Variants in ARFGEF3 observed in about 807,000 individuals in gnomAD.
The protein encoded by ARFGEF3 is brefeldin A-inhibited guanine nucleotide-exchange protein 3.
In ARFGEF3, 96 loss-of-function variants were observed where a neutral mutation model predicts 221.7. That is an observed-to-expected ratio of 0.43 (90% confidence interval 0.37 to 0.51). The LOEUF (loss-of-function observed/expected upper bound fraction) is 0.51. ARFGEF3 is among the 20% of genes least tolerant of loss of function. ARFGEF3 has a pLI of 0.00. For synonymous variants in ARFGEF3, 1,145 were observed against 1,126.8 expected (o/e 1.02, Z -0.32); for missense variants, 2,410 against 2,789.9 (o/e 0.86, Z 3.07).
Position 138,338,410 on chromosome 6 carries a change from G to A in ARFGEF3, c.*1924G>A, listed in dbSNP as rs1472756498. On this transcript the variant is annotated 3_prime_UTR_variant, in exon 34 of 34. Coordinates refer to ENST00000251691, the MANE Select transcript of ARFGEF3 (RefSeq NM_020340.5). ...GTGAGTACTCCACAGTTTACTGGGG[G>A]AAAAGGCTTCAGTAAAGCAGAGGCT... is the stretch of plus-strand genomic sequence containing the variant. 1 of 152,128 alleles carries A rather than the reference G, an allele frequency of 6.6e-6. No individual in the cohort carries two copies. Among genetic ancestry groups the A allele is most frequent in the Admixed American group, 6.6e-5 (1 of 15,266 alleles). 9.4% of individuals were successfully genotyped at this position (152,128 alleles called of 1,614,324 possible). A position where few individuals can be genotyped will look rare whatever the true frequency, so the allele number is the denominator to read the frequency against.
intron 22 of ARFGEF3, among the ~76,000 whole-genome samples, chr6:138,306,799 G>A (rs1183766933): frequency 2.0e-5 from 3 of 151,900 alleles, no homozygotes; most frequent in East Asian, 1.9e-4. Flanking sequence ...GGGTCATGAT[G>A]TGATCCATTA....
At chr6:138,196,929 G>A (rs903873196) in intron 2 of ARFGEF3, among the ~76,000 whole-genome samples, 2 of 152,074 alleles carry the variant, frequency 1.3e-5, no homozygotes, top group African/African-American at 4.8e-5. Context: ...CGCCTCCCGG[G>A]TTCAAACGAT....
At chr6:138,333,217 C>A (rs1213352327) in intron 32 of ARFGEF3, among the ~76,000 whole-genome samples, 4 of 152,170 alleles carry the variant, frequency 2.6e-5, no homozygotes, top group African/African-American at 9.7e-5. Flanking sequence ...CTAACCCCAA[C>A]TTTTTGAGTG....
chr6:138,293,845 A>G (rs1426401111), intron 19 of ARFGEF3, 148 bp from the exon 20 acceptor site: 1 of 713,782 alleles, frequency 1.4e-6, no homozygotes, highest in African/African-American at 1.8e-5. Context: ...GTACACAGTT[A>G]GAATAGATAG....
intron 31 of ARFGEF3, among the ~76,000 whole-genome samples, chr6:138,325,271 A>T (rs1217530607): frequency 6.6e-6 from 1 of 152,200 alleles, no homozygotes; most frequent in Non-Finnish European, 1.5e-5. Flanking sequence ...TAGCACACTG[A>T]TAATCTAGGA....
chr6:138,192,854 C>T (rs1777334782), intron 2 of ARFGEF3, among the ~76,000 whole-genome samples: 1 of 152,186 alleles, frequency 6.6e-6, no homozygotes. Context: ...AAATGCTTAG[C>T]ACACAGGTTG....
intron 22 of ARFGEF3, among the ~76,000 whole-genome samples, chr6:138,299,520 G>A (rs1018372564): frequency 7.9e-5 from 12 of 152,248 alleles, no homozygotes; most frequent in Middle Eastern, 3.4e-3. Context: ...TCTCTCTGAA[G>A]TCCACCAAAA....
rs796786018 is a variant in ARFGEF3 at position 138,335,145 on chromosome 6, G to C, written c.6299G>C (p.Ser2100Thr). Residue 2100 changes from serine (S) to threonine (T), a missense_variant, in exon 33 of 34, where the codon AGC becomes ACC. By Grantham distance (58) the Ser-to-Thr change is moderately conservative. Around this residue, in one of 5 missense-constraint regions of ARFGEF3, gnomAD observed 339 missense variants for 334.9 expected, o/e 1.01. Transcript: ENST00000251691. ...AGGCCCCGCTCAGGCTCCACCGGGA[G>C]CTCCCTCAGTGTCTCGGTGAGAGAC... ...DKRPRSGSTG[S>T]SLSVSVRDAE... is the part of the protein sequence containing the mutation. 1.3e-6 allele frequency: 2 copies of C among 1,588,242 alleles called. No homozygotes were observed. Among genetic ancestry groups the C allele is most frequent in the African/African-American group, 2.7e-5 (2 of 74,072 alleles).
At chr6:138,249,327 T>C (rs972050559) in intron 8 of ARFGEF3, among the ~76,000 whole-genome samples, 2 of 152,338 alleles carry the variant, frequency 1.3e-5, no homozygotes, top group South Asian at 2.1e-4. Flanking sequence ...GTTTTTGTTT[T>C]GTTATTATTA....
Position 138,255,694 on chromosome 6 carries a change from C to G in ARFGEF3, c.1029C>G (p.Leu343=). The change falls in exon 10 of 34, where the codon CTC becomes CTG. Residue 343 remains leucine (L), a synonymous_variant. Coordinates refer to ENST00000251691, the MANE Select transcript of ARFGEF3 (RefSeq NM_020340.5). ...CTGTGGACTCCATGAAGCCCGTGCT[C>G]CAGTCCCTCTACCACCGAGTGCTGC... ...VGSVDSMKPV[L]QSLYHRVLLY... 6.2e-7 allele frequency: 1 copy of G among 1,612,862 alleles called. No individual in the cohort carries two copies. Among genetic ancestry groups the G allele is most frequent in the Non-Finnish European group, 8.5e-7 (1 of 1,179,382 alleles).
At chr6:138,235,952 C>A (rs1199231522) in intron 5 of ARFGEF3, among the ~76,000 whole-genome samples, 2 of 152,114 alleles carry the variant, frequency 1.3e-5, no homozygotes, top group Non-Finnish European at 2.9e-5. Context: ...TGCAATAAGT[C>A]ATATCCAGTA....
At chr6:138,204,512 C>T (rs1777595324) in intron 2 of ARFGEF3, among the ~76,000 whole-genome samples, 1 of 152,064 alleles carries the variant, frequency 6.6e-6, no homozygotes, top group Non-Finnish European at 1.5e-5. Flanking sequence ...TAGTCACATT[C>T]ATTGATTTAC....
At chr6:138,202,901 C>T (rs192216904) in intron 2 of ARFGEF3, among the ~76,000 whole-genome samples, 2,094 of 152,050 alleles carry the variant, frequency 0.014, 33 homozygotes, top group Middle Eastern at 0.058. Flanking sequence ...CATGCACACA[C>T]ACCCACACAC....
chr6:138,315,230 A>G (rs9484140), intron 26 of ARFGEF3, among the ~76,000 whole-genome samples: 20,917 of 152,190 alleles, frequency 0.14, 1,968 homozygotes, highest in Admixed American at 0.24. Flanking sequence ...GCTCATCAAA[A>G]CAATGATTTT....
chr6:138,186,363 T>C (rs1777182162), intron 2 of ARFGEF3, among the ~76,000 whole-genome samples: 1 of 152,210 alleles, frequency 6.6e-6, no homozygotes, highest in Admixed American at 6.5e-5. Context: ...TCAGCACTGA[T>C]ATCTCCAGGA....
intron 2 of ARFGEF3, 95 bp downstream of exon 2, chr6:138,170,808 T>C: frequency 5.3e-6 from 4 of 756,662 alleles, no homozygotes; most frequent in Non-Finnish European, 4.7e-6. Flanking sequence ...TTAGTTTGTT[T>C]TGTGCTGCTA....
rs201880216 is a variant in ARFGEF3 at position 138,286,747 on chromosome 6, G to C, written c.2616G>C (p.Leu872Phe). 6.2e-7 allele frequency: 1 copy of C among 1,614,034 alleles called. No homozygotes were observed. Among genetic ancestry groups the C allele is most frequent in the Non-Finnish European group, 8.5e-7 (1 of 1,179,904 alleles). The change falls in exon 16 of 34, where the codon TTG becomes TTC. Residue 872 changes from leucine (L) to phenylalanine (F), a missense_variant. Leu to Phe is a conservative substitution (Grantham distance 22). Transcript: ENST00000251691. ...RYILVGCWKNLIDTLSTPLTG... is the reference protein window; with the variant it reads ...RYILVGCWKNFIDTLSTPLTG... Reference sequence around the variant, plus strand: ...TTCTGGTGGGCTGCTGGAAGAACTTGATCGATACTTTATCAACCCCACTGA... The same window carrying C: ...TTCTGGTGGGCTGCTGGAAGAACTTCATCGATACTTTATCAACCCCACTGA...
At chr6:138,257,530 C>A (rs4896338) in intron 10 of ARFGEF3, among the ~76,000 whole-genome samples, 32,238 of 152,092 alleles carry the variant, frequency 0.21, 5,397 homozygotes, top group African/African-American at 0.45. Context: ...CCCACAAAGA[C>A]ACTTAGGCTT....
chr6:138,192,990 A>T (rs1229035567), intron 2 of ARFGEF3, among the ~76,000 whole-genome samples: 1 of 152,092 alleles, frequency 6.6e-6, no homozygotes, highest in Non-Finnish European at 1.5e-5. Flanking sequence ...AATGTCTAAG[A>T]TTACATTATT....
Sources: gnomAD v4.1 joint callset for allele counts (sites outside exome capture counted in the v4.1 genomes callset) on GRCh38, gnomAD v4.1.1 for gene constraint, gnomAD v4.1.1 regional missense constraint, MANE v1.5 for transcripts, NCBI Gene and HGNC (gene_info 2026-07-23, HGNC 2026-07-21) for gene names.